The following DLGAP1 variants were observed in gnomAD, a reference collection of about 807,000 sequenced individuals.
The protein encoded by DLGAP1 is disks large-associated protein 1.
In DLGAP1, 11 loss-of-function variants were observed where a neutral mutation model predicts 90.8. The observed-to-expected ratio is 0.12, with a 90% CI of 0.08 to 0.20. DLGAP1 has a LOEUF of 0.20. Among genes scored for constraint, DLGAP1 ranks in the 10% least tolerant of loss-of-function variants. The pLI is 1.00. For synonymous variants in DLGAP1, 558 were observed against 540.7 expected (o/e 1.03, Z -0.44); for missense variants, 1,050 against 1,333.8 (o/e 0.79, Z 3.31).
At chr18:4,357,624 A>G (rs2144062245) in intron 1 of DLGAP1, among the ~76,000 whole-genome samples, 1 of 152,370 alleles carries the variant, frequency 6.6e-6, no homozygotes, top group Non-Finnish European at 1.5e-5. Context: ...GAGTTGGTGT[A>G]GCTGGAGTAG....
chr18:3,672,367 C>T lies in DLGAP1; in HGVS notation c.1591+56768G>A, dbSNP rs185111540. On this transcript the variant is annotated intron_variant, in intron 7 of 12. Transcript: ENST00000315677. ...CTGAGGAGGGCGGATCACCTGAGGT[C>T]AGGAGTTCGAGACCAGCCTGGGCAA... 1.9e-3 allele frequency among the ~76,000 whole-genome samples: 285 copies of T among 151,980 alleles called. 6 individuals carry two copies. The highest frequency in any genetic ancestry group is 0.017 in the Middle Eastern group (5 of 294).
intron 7 of DLGAP1, among the ~76,000 whole-genome samples, chr18:3,600,713 T>G (rs2056856505): frequency 2.1e-5 from 2 of 93,614 alleles, no homozygotes; most frequent in Non-Finnish European, 2.0e-5. Flanking sequence ...TATAGCTATA[T>G]AGATATAGAG....
chr18:4,012,746 T>C (rs9960415), intron 2 of DLGAP1, among the ~76,000 whole-genome samples: 44,841 of 150,728 alleles, frequency 0.3, 6,988 homozygotes, highest in South Asian at 0.49. Context: ...GACAGGGTCT[T>C]ACTCTGTTAC....
chr18:3,935,283 A>G (rs1443325685), intron 3 of DLGAP1, among the ~76,000 whole-genome samples: 1 of 152,262 alleles, frequency 6.6e-6, no homozygotes, highest in Non-Finnish European at 1.5e-5. Context: ...AGAAAGAAAT[A>G]AATGGAAAAA....
intron 10 of DLGAP1, among the ~76,000 whole-genome samples, chr18:3,533,326 C>T (rs1194975913): frequency 6.6e-6 from 1 of 152,184 alleles, no homozygotes; most frequent in Non-Finnish European, 1.5e-5. Context: ...GTGTATTTCA[C>T]TTTAGCCCAT....
intron 7 of DLGAP1, among the ~76,000 whole-genome samples, chr18:3,596,304 C>T (rs12326357): frequency 0.031 from 4,677 of 152,012 alleles, 147 homozygotes; most frequent in African/African-American, 0.069. Context: ...GAATTACAGC[C>T]GCCCGCCACC....
chr18:4,323,060 G>C (rs908496577), intron 1 of DLGAP1, among the ~76,000 whole-genome samples: 3 of 151,374 alleles, frequency 2.0e-5, no homozygotes, highest in Non-Finnish European at 2.9e-5. Context: ...TCTGATGAAA[G>C]GTTTATATCC....
Position 3,565,663 on chromosome 18 carries a change from C to T in DLGAP1, c.2057+1827G>A, listed in dbSNP as rs1256572801. ...CATCCTGGCCAACATGGTGAAACCC[C>T]GTCTCTCTTAAAAATACAAAAATTA... On this transcript the variant is annotated intron_variant, in intron 9 of 12. Transcript: ENST00000315677. This position sits in a 1 kb window ranked among gnomAD's most constrained non-coding sequence, Gnocchi z 4.0. 9.2e-5 allele frequency among the ~76,000 whole-genome samples: 14 copies of T among 151,868 alleles called. No homozygotes were observed. Among genetic ancestry groups the T allele is most frequent in the Admixed American group, 3.9e-4 (6 of 15,258 alleles).
intron 10 of DLGAP1, among the ~76,000 whole-genome samples, chr18:3,532,327 C>T (rs2052061029): frequency 6.6e-6 from 1 of 152,008 alleles, no homozygotes; most frequent in Admixed American, 6.5e-5. Context: ...TGCCTGTAAT[C>T]CCAGCACTTT....
intron 1 of DLGAP1, among the ~76,000 whole-genome samples, chr18:4,276,995 T>A (rs938780013): frequency 2.6e-5 from 4 of 152,268 alleles, no homozygotes; most frequent in Admixed American, 6.5e-5. Flanking sequence ...CTTTAATGAA[T>A]ATATTTTCTA....
chr18:4,412,311 C>G (rs1399952394), intron 1 of DLGAP1, among the ~76,000 whole-genome samples: 1 of 152,156 alleles, frequency 6.6e-6, no homozygotes, highest in East Asian at 1.9e-4. Context: ...ACAAGTACCC[C>G]ACTCCACTCT....
intron 6 of DLGAP1, among the ~76,000 whole-genome samples, chr18:3,741,624 C>T (rs1253908844): frequency 6.6e-6 from 1 of 152,068 alleles, no homozygotes; most frequent in Middle Eastern, 3.2e-3. Context: ...TCACTGCCAT[C>T]ATTATCACCA....
chr18:3,961,089 C>T (rs931639741), intron 3 of DLGAP1, among the ~76,000 whole-genome samples: 1 of 152,268 alleles, frequency 6.6e-6, no homozygotes, highest in East Asian at 1.9e-4. Flanking sequence ...CGCCCTGGGC[C>T]GCTGGGGGAG....
At chr18:3,691,371 T>G (rs1481905513) in intron 7 of DLGAP1, among the ~76,000 whole-genome samples, 1 of 150,510 alleles carries the variant, frequency 6.6e-6, no homozygotes, top group African/African-American at 2.5e-5. Context: ...GAGGTTGCAG[T>G]GAGCTACATC....
chr18:3,875,871 T>C (rs570453504), intron 4 of DLGAP1, among the ~76,000 whole-genome samples: 1 of 152,276 alleles, frequency 6.6e-6, no homozygotes, highest in South Asian at 2.1e-4. Flanking sequence ...TGAAAGCATG[T>C]TTCCAGGTCA....
chr18:3,813,283 G>A (rs1308407941), intron 5 of DLGAP1, among the ~76,000 whole-genome samples: 1 of 152,144 alleles, frequency 6.6e-6, no homozygotes, highest in African/African-American at 2.4e-5. Context: ...ACCATTGTGT[G>A]AGAGTCGCCC....
At position 3,517,840 on chromosome 18, in the gene DLGAP1, A is replaced by C. The variant is rs113142522; in HGVS notation, c.2480-9179T>G. Reference sequence around the variant, plus strand: ...CTCGGAAAAAAAAAAAAAAGAAGAGAGTCACAATGTGTCTCTGATTAAGCT... The same window carrying C: ...CTCGGAAAAAAAAAAAAAAGAAGAGCGTCACAATGTGTCTCTGATTAAGCT... On this transcript the variant is annotated intron_variant, in intron 10 of 12. Coordinates refer to ENST00000315677, the MANE Select transcript of DLGAP1 (RefSeq NM_004746.4). The surrounding 1 kb of genome is among the most constrained non-coding windows in gnomAD (Gnocchi z 4.1). Among the ~76,000 whole-genome samples the C allele has an allele frequency of 2.0e-5, 3 of 149,348 alleles. No individual in the cohort carries two copies. Among genetic ancestry groups the C allele is most frequent in the South Asian group, 2.1e-4 (1 of 4,722 alleles).
intron 1 of DLGAP1, among the ~76,000 whole-genome samples, chr18:4,211,290 G>C (rs930672021): frequency 6.6e-6 from 1 of 152,180 alleles, no homozygotes; most frequent in African/African-American, 2.4e-5. Flanking sequence ...AGCTTGTAGA[G>C]AATGATAAAC....
At chr18:3,793,402 GATTT>G (rs1419908483) in intron 5 of DLGAP1, among the ~76,000 whole-genome samples, 1 of 152,186 alleles carries the variant, frequency 6.6e-6, no homozygotes, top group Non-Finnish European at 1.5e-5. Context: ...AGAGCAGCCA[GATTT>G]ATTCCTTTGA....
Sources: gnomAD v4.1 joint callset for allele counts (sites outside exome capture counted in the v4.1 genomes callset) on GRCh38, gnomAD v4.1.1 for gene constraint, Gnocchi (gnomAD v3.1) non-coding constraint, MANE v1.5 for transcripts, NCBI Gene and HGNC (gene_info 2026-07-23, HGNC 2026-07-21) for gene names.